PIAS3: variants seen among roughly 807,000 people sequenced by gnomAD.
PIAS3 encodes protein inhibitor of activated STAT 3.
In PIAS3, 34 loss-of-function variants were observed where a neutral mutation model predicts 67.6. That is an observed-to-expected ratio of 0.50 (90% CI 0.38 to 0.67). The LOEUF (loss-of-function observed/expected upper bound fraction) is 0.67. PIAS3 is among the 30% of genes least tolerant of loss of function. PIAS3 has a pLI of 0.00. For synonymous variants in PIAS3, 341 were observed against 313.8 expected (o/e 1.09, Z -0.92); for missense variants, 693 against 791.6 (o/e 0.88, Z 1.49).
At position 145,856,392 on chromosome 1, in the gene PIAS3, G is replaced by T. The variant is rs1211501712; in HGVS notation, c.482C>A (p.Thr161Asn). Residue 161 changes from threonine to asparagine, a missense_variant, in exon 3 of 14, where the codon ACC (threonine) becomes AAC (asparagine). Thr to Asn is a moderately conservative substitution (Grantham distance 65). Transcript: ENST00000393045. ...SSQRFEEAHF[T>N]FALTPQQVQQ... Reference sequence around the variant, plus strand: ...CACTTGCTGGGGTGTGAGGGCAAAGGTAAAGTGCGCTTCCTCAAACCGCTG... The same window carrying T: ...CACTTGCTGGGGTGTGAGGGCAAAGTTAAAGTGCGCTTCCTCAAACCGCTG... 6.2e-7 allele frequency: 1 copy of T among 1,614,014 alleles called. No homozygotes were observed. The highest frequency in any genetic ancestry group is 8.5e-7 in the Non-Finnish European group (1 of 1,180,002).
chr1:145,856,255 A>G, intron 3 of PIAS3, 92 bp downstream of exon 3: 1 of 1,238,296 alleles, frequency 8.1e-7, no homozygotes, highest in Non-Finnish European at 1.2e-6. Context: ...AAGTAGGTAT[A>G]GGAGGAGGGA....
chr1:145,850,071 C>T, intron 13 of PIAS3, 161 bp downstream of exon 13: 1 of 1,471,426 alleles, frequency 6.8e-7, no homozygotes, highest in Non-Finnish European at 8.9e-7. Context: ...ATCTCAGGAA[C>T]TACCAGTGGG....
intron 5 of PIAS3, among the ~76,000 whole-genome samples, chr1:145,855,495 AC>A (rs1653132775): frequency 6.6e-6 from 1 of 151,736 alleles, no homozygotes; most frequent in Non-Finnish European, 1.5e-5. Context: ...AAAAAAAAAA[AC>A]AAAAAAGAAG....
chr1:145,856,306 C>CA lies in PIAS3; in HGVS notation c.527+40dup, dbSNP rs782715672. 2.2e-5 allele frequency: 34 copies of CA among 1,528,134 alleles called. 1 individual carries two copies. The Admixed American group carries it at 4.5e-4, about 20-fold the overall frequency. The allele number at this position is 1,528,134 out of a possible 1,614,324, so 94.7% of individuals were successfully genotyped here. ...GGCAGAAGAGAAGAAAGTCAGAAAGCAGAGACCAGGGATGAGGCAGGAAGA... is the reference window on the plus strand; with the variant it reads ...GGCAGAAGAGAAGAAAGTCAGAAAGCAAGAGACCAGGGATGAGGCAGGAAGA... On this transcript the variant is annotated intron_variant, in intron 3 of 13. Coordinates refer to ENST00000393045, the MANE Select transcript of PIAS3 (RefSeq NM_006099.3).
intron 13 of PIAS3, chr1:145,850,003 G>A: frequency 7.0e-7 from 1 of 1,436,910 alleles, no homozygotes; most frequent in Non-Finnish European, 9.1e-7. Context: ...CGGGGGTAGG[G>A]GTGAGTAGGC....
Position 145,850,482 on chromosome 1 carries a change from G to C in PIAS3, c.1553C>G (p.Pro518Arg). Reference protein sequence around the residue: ...LSSLPLHEYPPAFPLGADIQG... With the variant: ...LSSLPLHEYPRAFPLGADIQG... ...GATGTCGGCTCCCAGTGGGAAGGCA[G>C]GTGGGTACTCATGTAGTGGGAGACT... The change falls in exon 12 of 14, where the codon CCT becomes CGT. Residue 518 changes from proline (P) to arginine (R), a missense_variant. Coordinates refer to ENST00000393045, the MANE Select transcript of PIAS3 (RefSeq NM_006099.3). The C allele has an allele frequency of 6.2e-7, 1 of 1,614,206 alleles. No homozygotes were observed. The highest frequency in any genetic ancestry group is 8.5e-7 in the Non-Finnish European group (1 of 1,180,040).
rs77430020 is a variant in PIAS3 at position 145,849,943 on chromosome 1, G to C, written c.1621-231C>G. ...TAGGTTCTTGGCTTTGTGGGCGTCT[G>C]AAATGTGTGGAATGTCCGGTTAGAG... On this transcript the variant is annotated intron_variant, in intron 13 of 13. Transcript: ENST00000393045. 6.4e-4 allele frequency: 909 copies of C among 1,423,992 alleles called. 7 individuals carry two copies. The African/African-American group carries it at 0.012, about 19-fold the overall frequency. 88.2% of individuals were successfully genotyped at this position (1,423,992 alleles called of 1,614,324 possible). A position where few individuals can be genotyped will look rare whatever the true frequency, so the allele number is the denominator to read the frequency against.
intron 4 of PIAS3, 40 bp from the exon 5 acceptor site, chr1:145,855,866 T>C (rs782065673): frequency 1.2e-5 from 16 of 1,334,412 alleles, no homozygotes; most frequent in Admixed American, 1.7e-5. Flanking sequence ...TGGGAAGAAA[T>C]TTCTTAACTT....
chr1:145,848,641 C>T lies in PIAS3; in HGVS notation c.*805G>A, dbSNP rs183663029. 8 of 611,290 alleles carry T rather than the reference C, an allele frequency of 1.3e-5. No homozygotes were observed. Among genetic ancestry groups the T allele is most frequent in the African/African-American group, 5.5e-5 (3 of 54,304 alleles). 37.9% of individuals were successfully genotyped at this position (611,290 alleles called of 1,614,324 possible). On this transcript the variant is annotated 3_prime_UTR_variant, in exon 14 of 14. Transcript: ENST00000393045. ...TGAAAAAGAAGATTGGGAAGGAGGG[C>T]ACAGGGTCCTTCCACCTCCCTGGAA...
Position 145,850,777 on chromosome 1 carries a change from C to A in PIAS3, c.1442G>T (p.Ser481Ile). 1.2e-6 allele frequency: 2 copies of A among 1,614,160 alleles called. No homozygotes were observed. The highest frequency in any genetic ancestry group is 2.2e-5 in the South Asian group (2 of 91,084). ...TSAAIPALPG[S>I]KGVLTSGHQP... ...TCAGCCTATTTTCTCATACCCTTTG[C>A]TTCCAGGTAGGGCCGGGATGGCAGC... The change falls in exon 11 of 14, where the codon AGC (serine) becomes ATC (isoleucine). Residue 481 changes from serine (S) to isoleucine (I), a missense_variant. Coordinates refer to ENST00000393045, the MANE Select transcript of PIAS3 (RefSeq NM_006099.3).
intron 13 of PIAS3, chr1:145,850,026 G>GT (rs1652891340): frequency 2.1e-6 from 3 of 1,443,778 alleles, no homozygotes; most frequent in African/African-American, 1.4e-5. Flanking sequence ...GGGCAGAAAA[G>GT]TAACAGGGGA....
In PIAS3 at chr1:145,849,163, T is replaced by A. The variant is rs587716659; in HGVS notation, c.*283A>T. On this transcript the variant is annotated 3_prime_UTR_variant, in exon 14 of 14. Transcript: ENST00000393045. ...AGCCCTTCTCCTAGCTCACATACCA[T>A]CCCATTTGCCTCCCACTGCCTAGGT... The A allele has an allele frequency of 1.1e-5, 3 of 283,490 alleles. No individual in the cohort carries two copies. In the Admixed American group the frequency reaches 1.6e-4, roughly 15 times the overall value. 17.6% of individuals were successfully genotyped at this position (283,490 alleles called of 1,614,324 possible). A position where few individuals can be genotyped will look rare whatever the true frequency, so the allele number is the denominator to read the frequency against.
chr1:145,852,746 A>AT, intron 9 of PIAS3, among the ~76,000 whole-genome samples: 1 of 152,096 alleles, frequency 6.6e-6, no homozygotes, highest in South Asian at 2.1e-4. Flanking sequence ...ATGAGCTATT[A>AT]TAACATGCCT....
Position 145,849,520 on chromosome 1 carries a change from C to A in PIAS3, c.1813G>T (p.Glu605Ter). ...SIVAPGGALREGHGGPLPSGP... is the reference protein window; with the variant it reads ...SIVAPGGALR Reference sequence around the variant, plus strand: ...GAGGGCAGGGGTCCTCCATGCCCCTCCCTCAAGGCCCCCCCAGGGGCCACA... The same window carrying A: ...GAGGGCAGGGGTCCTCCATGCCCCTACCTCAAGGCCCCCCCAGGGGCCACA... Residue 605 changes from glutamate (E) to a stop codon, truncating the protein, a stop_gained, in exon 14 of 14, where the codon GAG becomes TAG. Coordinates refer to ENST00000393045, the MANE Select transcript of PIAS3 (RefSeq NM_006099.3). LOFTEE classifies it high-confidence loss of function. The A allele has an allele frequency of 6.4e-7, 1 of 1,574,304 alleles. No homozygotes were observed. The highest frequency in any genetic ancestry group is 8.6e-7 in the Non-Finnish European group (1 of 1,163,426).
chr1:145,851,037 G>T lies in PIAS3; in HGVS notation c.1262C>A (p.Pro421Gln). 6.2e-7 allele frequency: 1 copy of T among 1,614,200 alleles called. No homozygotes were observed. The highest frequency in any genetic ancestry group is 8.5e-7 in the Non-Finnish European group (1 of 1,180,034). The change falls in exon 10 of 14, where the codon CCA (proline) becomes CAA (glutamine). Residue 421 changes from proline to glutamine, a missense_variant. This residue lies in a region of PIAS3 where 270 missense variants were observed against 261.0 expected (regional missense o/e 1.03). Transcript: ENST00000393045. ...TCACTCACCATCCAGCCCATACCCTGGCGGGGGGCAAACCTCAGATGCCTC... is the reference window on the plus strand; with the variant it reads ...TCACTCACCATCCAGCCCATACCCTTGCGGGGGGCAAACCTCAGATGCCTC... ...KKEASEVCPP[P>Q]GYGLDGLQYS...
Position 145,849,307 on chromosome 1 carries a change from AG to A in PIAS3, c.*138del, listed in dbSNP as rs1652858073. On this transcript the variant is annotated 3_prime_UTR_variant, in exon 14 of 14. Coordinates refer to ENST00000393045, the MANE Select transcript of PIAS3 (RefSeq NM_006099.3). ...GTGCTGGCCTTGTCAGGCAGAGATG[AG>A]GCCAAAAGTAGGCATCTGTGAAGGT... 6.2e-6 allele frequency: 5 copies of A among 804,942 alleles called. No homozygotes were observed. The highest frequency in any genetic ancestry group is 8.8e-6 in the Non-Finnish European group (5 of 565,218). The allele number at this position is 804,942 out of a possible 1,614,324, so 49.9% of individuals were successfully genotyped here. A position where few individuals can be genotyped will look rare whatever the true frequency, so the allele number is the denominator to read the frequency against.
chr1:145,849,823 G>C, intron 13 of PIAS3, 111 bp from the exon 14 acceptor site: 1 of 1,484,482 alleles, frequency 6.7e-7, no homozygotes, highest in African/African-American at 1.4e-5. Context: ...GGATCCGAAG[G>C]TATTCTCTTG....
intron 5 of PIAS3, 48 bp from the exon 6 acceptor site, chr1:145,854,928 GC>G (rs1162418046): frequency 1.2e-6 from 2 of 1,604,154 alleles, no homozygotes; most frequent in African/African-American, 2.7e-5. Context: ...CTGGGAAGGG[GC>G]TCTGCTCTTT....
chr1:145,851,959 CAAA>C (rs782076715), intron 9 of PIAS3, among the ~76,000 whole-genome samples: 4 of 58,726 alleles, frequency 6.8e-5, no homozygotes, highest in Non-Finnish European at 3.7e-5. Flanking sequence ...AACACCGTCT[CAAA>C]AAAAAAAAAA....
Sources: allele counts gnomAD v4.1 joint callset (sites outside exome capture counted in the v4.1 genomes callset), GRCh38; gene constraint gnomAD v4.1.1; regional missense constraint gnomAD v4.1.1; transcripts MANE v1.5; gene names NCBI Gene and HGNC (gene_info 2026-07-23, HGNC 2026-07-21).